Variants in AIG1 observed in about 807,000 individuals in gnomAD.
AIG1 encodes androgen-induced gene 1 protein.
Under a neutral mutation model 31.4 loss-of-function variants are expected in AIG1, and 23 were observed. The observed-to-expected ratio is 0.73, with a 90% CI of 0.53 to 1.04. The LOEUF is 1.04. AIG1 is among the 50% of genes least tolerant of loss of function. The pLI is 0.00. For synonymous variants in AIG1, 100 were observed against 110.5 expected (o/e 0.90, Z 0.60); for missense variants, 274 against 295.0 (o/e 0.93, Z 0.52).
intron 4 of AIG1, among the ~76,000 whole-genome samples, chr6:143,313,167 A>C (rs528004417): frequency 2.0e-5 from 3 of 152,238 alleles, no homozygotes; most frequent in Admixed American, 2.0e-4. Context: ...AAAACTGAAA[A>C]TAGAGCTACC....
At chr6:143,063,495 A>G (rs988293281) in intron 1 of AIG1, among the ~76,000 whole-genome samples, 1 of 152,220 alleles carries the variant, frequency 6.6e-6, no homozygotes, top group Non-Finnish European at 1.5e-5. Flanking sequence ...TAGAATCCTT[A>G]GAGCTTAAGC....
At chr6:143,086,106 C>G (rs776621180) in intron 1 of AIG1, among the ~76,000 whole-genome samples, 4 of 152,162 alleles carry the variant, frequency 2.6e-5, no homozygotes, top group Non-Finnish European at 5.9e-5. Context: ...GTTAGCAAAG[C>G]AGTTGCTGCT....
rs140874444 is a variant in AIG1 at position 143,140,149 on chromosome 6, A to C, written c.297+3159A>C. Among the ~76,000 whole-genome samples the C allele has an allele frequency of 2.9e-3, 445 of 152,282 alleles. 13 individuals are homozygous for C. The East Asian group carries it at 0.054, about 18-fold the overall frequency. On this transcript the variant is annotated intron_variant, in intron 2 of 5. Coordinates refer to ENST00000357847, the MANE Select transcript of AIG1 (RefSeq NM_016108.4). ...TGTGTTCAGGGGAACTCCCCTTTAT[A>C]AAGCCATCAGATCTTGTGAGACTTA...
chr6:143,096,625 T>C (rs1012816765), intron 1 of AIG1, among the ~76,000 whole-genome samples: 1 of 152,230 alleles, frequency 6.6e-6, no homozygotes, highest in Non-Finnish European at 1.5e-5. Flanking sequence ...AATAGACTTA[T>C]GCTTAATAGC....
intron 4 of AIG1, among the ~76,000 whole-genome samples, chr6:143,294,351 C>T (rs1039973373): frequency 1.3e-5 from 2 of 152,166 alleles, no homozygotes; most frequent in African/African-American, 4.8e-5. Flanking sequence ...TCTGCATTGT[C>T]TCTACTCTCA....
At chr6:143,119,757 A>C (rs1782083720) in intron 1 of AIG1, among the ~76,000 whole-genome samples, 1 of 152,190 alleles carries the variant, frequency 6.6e-6, no homozygotes, top group Non-Finnish European at 1.5e-5. Flanking sequence ...GGTGCTTAGC[A>C]CAATCACACA....
intron 4 of AIG1, among the ~76,000 whole-genome samples, chr6:143,305,832 G>C (rs1799255840): frequency 6.6e-6 from 1 of 151,268 alleles, no homozygotes; most frequent in Non-Finnish European, 1.5e-5. Flanking sequence ...GGGTGTTAAA[G>C]TCTCCCATTA....
chr6:143,139,741 A>G lies in AIG1; in HGVS notation c.297+2751A>G, dbSNP rs115660668. Among the ~76,000 whole-genome samples the G allele has an allele frequency of 3.5e-3, 529 of 152,208 alleles. 4 individuals are homozygous for G. The highest frequency in any genetic ancestry group is 0.012 in the African/African-American group (495 of 41,530). On this transcript the variant is annotated intron_variant, in intron 2 of 5. Coordinates refer to ENST00000357847, the MANE Select transcript of AIG1 (RefSeq NM_016108.4). ...AGAAGAATCTAGGTCAGTATTCTCT[A>G]GAAATCATCATATGTTTTCTACTGT...
At position 143,280,331 on chromosome 6, in the gene AIG1, A is replaced by G. The variant is rs1797258072; in HGVS notation, c.400-3779A>G. 6.6e-6 allele frequency among the ~76,000 whole-genome samples: 1 copy of G among 152,226 alleles called. No homozygotes were observed. Among genetic ancestry groups the G allele is most frequent in the African/African-American group, 2.4e-5 (1 of 41,448 alleles). ...AATATGACGATTCCTCAAAGAGCTA[A>G]AAGTAGAACTACCATTAGACCCAGC... On this transcript the variant is annotated intron_variant, in intron 3 of 5. Coordinates refer to ENST00000357847, the MANE Select transcript of AIG1 (RefSeq NM_016108.4). The surrounding 1 kb of genome is among the most constrained non-coding windows in gnomAD (Gnocchi z 4.1).
At chr6:143,278,658 G>A (rs772568233) in intron 3 of AIG1, among the ~76,000 whole-genome samples, 15 of 151,592 alleles carry the variant, frequency 9.9e-5, no homozygotes, top group Non-Finnish European at 1.9e-4. Flanking sequence ...CAGTAGAGAC[G>A]GGGTTTCGCC....
chr6:143,321,151 A>G (rs1240836404), intron 4 of AIG1, among the ~76,000 whole-genome samples: 1 of 151,858 alleles, frequency 6.6e-6, no homozygotes, highest in Non-Finnish European at 1.5e-5. Flanking sequence ...TGTTTGTATC[A>G]CCAAAAAACA....
At chr6:143,337,712 G>A (rs1191648320) in intron 5 of AIG1, among the ~76,000 whole-genome samples, 1 of 152,124 alleles carries the variant, frequency 6.6e-6, no homozygotes, top group Non-Finnish European at 1.5e-5. Context: ...TTCTCCTCCA[G>A]CTACCCGTGC....
chr6:143,067,027 G>C (rs1365854443), intron 1 of AIG1, among the ~76,000 whole-genome samples: 1 of 152,018 alleles, frequency 6.6e-6, no homozygotes, highest in Non-Finnish European at 1.5e-5. Flanking sequence ...ATTATTTGGG[G>C]GTGCTTGCAT....
rs1291735147 is a variant in AIG1 at position 143,297,089 on chromosome 6, T to C, written c.515+12864T>C. Among the ~76,000 whole-genome samples, 1 of 144,208 alleles carries C rather than the reference T, an allele frequency of 6.9e-6. No homozygotes were observed. Among genetic ancestry groups the C allele is most frequent in the African/African-American group, 2.7e-5 (1 of 37,412 alleles). 94.6% of individuals were successfully genotyped at this position (144,208 alleles called of 152,430 possible). Reference sequence around the variant, plus strand: ...AGTCATCCAGTTGATAACTGCTATTTGCAAGAGGAAAATAGAGTCTACGGA... The same window carrying C: ...AGTCATCCAGTTGATAACTGCTATTCGCAAGAGGAAAATAGAGTCTACGGA... On this transcript the variant is annotated intron_variant, in intron 4 of 5. Coordinates refer to ENST00000357847, the MANE Select transcript of AIG1 (RefSeq NM_016108.4). This position sits in a 1 kb window ranked among gnomAD's most constrained non-coding sequence, Gnocchi z 5.1.
At chr6:143,238,673 C>A (rs757288955) in intron 3 of AIG1, among the ~76,000 whole-genome samples, 2 of 152,186 alleles carry the variant, frequency 1.3e-5, no homozygotes, top group Admixed American at 1.3e-4. Flanking sequence ...GAAGCAGACA[C>A]GCTAGCAATG....
At chr6:143,296,867 T>C (rs1798462605) in intron 4 of AIG1, among the ~76,000 whole-genome samples, 1 of 152,190 alleles carries the variant, frequency 6.6e-6, no homozygotes, top group Admixed American at 6.5e-5. Context: ...ATATTTTAAT[T>C]CTCCAATATT....
intron 2 of AIG1, 32 bp downstream of exon 2, chr6:143,137,022 A>G (rs1235415743): frequency 1.5e-5 from 20 of 1,333,978 alleles, no homozygotes; most frequent in African/African-American, 3.0e-5. Flanking sequence ...TTTAGCCACA[A>G]AAGAAACTTG....
intron 4 of AIG1, among the ~76,000 whole-genome samples, chr6:143,308,018 G>C (rs974968300): frequency 5.3e-5 from 8 of 152,246 alleles, no homozygotes; most frequent in Admixed American, 5.2e-4. Flanking sequence ...GCCATGTGCG[G>C]GATATAATCT....
intron 3 of AIG1, among the ~76,000 whole-genome samples, chr6:143,224,687 A>T (rs1172216752): frequency 6.6e-6 from 1 of 152,176 alleles, no homozygotes; most frequent in East Asian, 1.9e-4. Flanking sequence ...GTAATGTAGT[A>T]GGTCCTCAAT....
Sources: allele counts gnomAD v4.1 joint callset (sites outside exome capture counted in the v4.1 genomes callset), GRCh38; gene constraint gnomAD v4.1.1; non-coding constraint Gnocchi (gnomAD v3.1); transcripts MANE v1.5; gene names NCBI Gene and HGNC (gene_info 2026-07-23, HGNC 2026-07-21).